The following PRKN variants were observed in gnomAD, a reference collection of about 807,000 sequenced individuals.
PRKN encodes the protein parkin RBR E3 ubiquitin protein ligase, also known as E3 ubiquitin-protein ligase parkin.
A neutral mutation model predicts 59.5 loss-of-function variants in PRKN; 56 were observed. That is an observed-to-expected ratio of 0.94 (90% CI 0.76 to 1.18). The LOEUF is 1.18. Among genes scored for constraint, PRKN ranks in the 50% most tolerant of loss-of-function variants. The probability of loss-of-function intolerance (pLI) is 0.00; values close to 1 mark genes in which losing one functional copy is unlikely to be tolerated. For synonymous variants in PRKN, 250 were observed against 222.1 expected (o/e 1.13, Z -1.12); for missense variants, 657 against 596.4 (o/e 1.10, Z -1.06).
At chr6:162,656,799 C>CA (rs1778660995) in intron 1 of PRKN, among the ~76,000 whole-genome samples, 1 of 152,128 alleles carries the variant, frequency 6.6e-6, no homozygotes. Context: ...GCTGGCCTTC[C>CA]AGATGTATTC....
chr6:162,529,168 CG>C (rs1414492862), intron 1 of PRKN, among the ~76,000 whole-genome samples: 2 of 152,088 alleles, frequency 1.3e-5, no homozygotes, highest in Non-Finnish European at 2.9e-5. Context: ...GCCACTGTGC[CG>C]GTCCATACTT....
At chr6:162,120,321 A>G (rs2128305306) in intron 4 of PRKN, among the ~76,000 whole-genome samples, 1 of 152,314 alleles carries the variant, frequency 6.6e-6, no homozygotes. Context: ...TTTTTATAAA[A>G]AGTATCCCGA....
At chr6:161,439,331 T>G (rs932699403) in intron 9 of PRKN, among the ~76,000 whole-genome samples, 5 of 152,188 alleles carry the variant, frequency 3.3e-5, no homozygotes, top group Non-Finnish European at 7.4e-5. Context: ...ATCCCTCGCC[T>G]GATGGGGAGC....
rs1481134620 is a variant in PRKN at position 161,560,139 on chromosome 6, C to T, written c.933+9216G>A. The stretch of plus-strand genomic sequence containing the variant: ...ACGTTTCCTAATATCAGCCAATTTC[C>T]ATGCTTCCCTCTCTCCTAAGCCTTT... On this transcript the variant is annotated intron_variant, in intron 8 of 11. Coordinates refer to ENST00000366898, the MANE Select transcript of PRKN (RefSeq NM_004562.3). The surrounding 1 kb of genome is among the most constrained non-coding windows in gnomAD (Gnocchi z 4.9). 6.6e-6 allele frequency among the ~76,000 whole-genome samples: 1 copy of T among 152,170 alleles called. No homozygotes were observed. The highest frequency in any genetic ancestry group is 1.5e-5 in the Non-Finnish European group (1 of 68,038).
At chr6:161,824,153 C>T (rs1055600516) in intron 6 of PRKN, among the ~76,000 whole-genome samples, 10 of 152,180 alleles carry the variant, frequency 6.6e-5, no homozygotes, top group East Asian at 5.8e-4. Context: ...ACCCACCCAA[C>T]GCCACGAAGT....
chr6:161,883,737 C>G lies in PRKN; in HGVS notation c.734+89565G>C, dbSNP rs1795030520. Among the ~76,000 whole-genome samples the G allele has an allele frequency of 2.6e-5, 4 of 152,106 alleles. No homozygotes were observed. In the South Asian group the frequency reaches 8.3e-4, roughly 32 times the overall value. ...AGAACTCAGCTCGCTGCTGAAACTT[C>G]CACCCCTTGGATTCAAGCAATTTTC... is the stretch of plus-strand genomic sequence containing the variant. On this transcript the variant is annotated intron_variant, in intron 6 of 11. Coordinates refer to ENST00000366898, the MANE Select transcript of PRKN (RefSeq NM_004562.3).
chr6:162,677,256 T>G (rs1008362128), intron 1 of PRKN, among the ~76,000 whole-genome samples: 15 of 151,522 alleles, frequency 9.9e-5, no homozygotes, highest in Non-Finnish European at 2.1e-4. Context: ...GCTCAGCCAA[T>G]GACGACAGGT....
At chr6:161,854,887 A>C (rs908393892) in intron 6 of PRKN, among the ~76,000 whole-genome samples, 1 of 152,018 alleles carries the variant, frequency 6.6e-6, no homozygotes. Context: ...GTTCAAGACA[A>C]GCCTGGCCAA....
At chr6:162,275,390 A>C (rs1780589858) in intron 2 of PRKN, 2 of 152,196 alleles carry the variant, frequency 1.3e-5, no homozygotes, top group Admixed American at 1.3e-4. Context: ...TTTGTATAGG[A>C]AGGCAGAATA....
chr6:161,585,724 CT>C (rs140664707), intron 7 of PRKN, among the ~76,000 whole-genome samples: 1,547 of 152,268 alleles, frequency 0.01, 11 homozygotes, highest in Non-Finnish European at 0.015. Flanking sequence ...TGGCTCTTCC[CT>C]AGCAGTCCTG....
At chr6:161,411,248 A>G (rs777139822) in intron 9 of PRKN, among the ~76,000 whole-genome samples, 1 of 152,124 alleles carries the variant, frequency 6.6e-6, no homozygotes, top group African/African-American at 2.4e-5. Context: ...AAGTGGAGAT[A>G]ATCGAATCAT....
intron 1 of PRKN, among the ~76,000 whole-genome samples, chr6:162,579,901 A>G (rs1780721557): frequency 6.6e-6 from 1 of 152,200 alleles, no homozygotes; most frequent in South Asian, 2.1e-4. Flanking sequence ...ATGCCGACAT[A>G]TACACAGAAC....
intron 1 of PRKN, among the ~76,000 whole-genome samples, chr6:162,608,829 G>C (rs1344889130): frequency 5.3e-5 from 8 of 152,120 alleles, no homozygotes; most frequent in Non-Finnish European, 1.0e-4. Flanking sequence ...TGTGTGGGTG[G>C]TCAGAAGAGA....
intron 1 of PRKN, among the ~76,000 whole-genome samples, chr6:162,617,378 C>T (rs1189136769): frequency 6.6e-6 from 1 of 152,044 alleles, no homozygotes; most frequent in Non-Finnish European, 1.5e-5. Flanking sequence ...ATTACAGGCA[C>T]CTGCCAGCAC....
In PRKN at chr6:162,056,919, G is replaced by GCCT. The variant is rs1261586970; in HGVS notation, c.535-2748_535-2746dup. Among the ~76,000 whole-genome samples, 1 of 152,142 alleles carries GCCT rather than the reference G, an allele frequency of 6.6e-6. No homozygotes were observed. The highest frequency in any genetic ancestry group is 1.5e-5 in the Non-Finnish European group (1 of 68,038). On this transcript the variant is annotated intron_variant, in intron 4 of 11. Transcript: ENST00000366898. The surrounding 1 kb of genome is among the most constrained non-coding windows in gnomAD (Gnocchi z 4.9). ...AGTGACCACTGGGGGAGGACTCAGAGCCTTGCCTGCGGTTTCCTCTAAACT... is the reference window on the plus strand; with the variant it reads ...AGTGACCACTGGGGGAGGACTCAGAGCCTCCTTGCCTGCGGTTTCCTCTAAACT...
chr6:161,744,234 C>G (rs1461176745), intron 7 of PRKN, among the ~76,000 whole-genome samples: 1 of 149,972 alleles, frequency 6.7e-6, no homozygotes, highest in African/African-American at 2.5e-5. Context: ...AATTGGGAAA[C>G]TTTCAGATCT....
chr6:162,536,999 C>T (rs918825062), intron 1 of PRKN, among the ~76,000 whole-genome samples: 1 of 152,072 alleles, frequency 6.6e-6, no homozygotes, highest in Admixed American at 6.6e-5. Flanking sequence ...AGTTTTCTAA[C>T]AATTATATTA....
chr6:161,622,470 GCTC>G (rs903618779), intron 7 of PRKN, among the ~76,000 whole-genome samples: 1 of 152,122 alleles, frequency 6.6e-6, no homozygotes, highest in Non-Finnish European at 1.5e-5. Flanking sequence ...AAGCCACTGT[GCTC>G]CTGCCTGGCC....
chr6:161,646,915 C>T (rs538781060), intron 7 of PRKN, among the ~76,000 whole-genome samples: 1 of 152,276 alleles, frequency 6.6e-6, no homozygotes, highest in South Asian at 2.1e-4. Flanking sequence ...AATTTGGCCC[C>T]TGTAGGAAAG....
Sources: allele counts gnomAD v4.1 joint callset (sites outside exome capture counted in the v4.1 genomes callset), GRCh38; gene constraint gnomAD v4.1.1; non-coding constraint Gnocchi (gnomAD v3.1); transcripts MANE v1.5; gene names NCBI Gene and HGNC (gene_info 2026-07-23, HGNC 2026-07-21).